MSRB3: variants seen among roughly 807,000 people sequenced by gnomAD.
The protein encoded by MSRB3 is methionine sulfoxide reductase B3.
In MSRB3, 13 loss-of-function variants were observed where a neutral mutation model predicts 21.0. That is an observed-to-expected ratio of 0.62 (90% confidence interval 0.40 to 0.98). MSRB3 has a LOEUF of 0.98. Ranked by LOEUF, MSRB3 falls within the 50% of genes least tolerant of loss-of-function variation. MSRB3 has a pLI of 0.00. For synonymous variants in MSRB3, 87 were observed against 88.6 expected, an observed-to-expected ratio of 0.98 and a Z score of 0.10; for missense variants, 199 against 230.3, an observed-to-expected ratio of 0.86 and a Z score of 0.88.
chr12:65,345,712 C>T (rs1876448919), intron 4 of MSRB3, among the ~76,000 whole-genome samples: 1 of 152,116 alleles, frequency 6.6e-6, no homozygotes, highest in Admixed American at 6.6e-5. Context: ...GGTATATCTC[C>T]TAATGCTATC....
At chr12:65,344,183 T>G (rs1876332470) in intron 4 of MSRB3, 1 of 152,092 alleles carries the variant, frequency 6.6e-6, no homozygotes, top group Non-Finnish European at 1.5e-5. Context: ...CAAAGGTTCA[T>G]CAGTGAAAGG....
At chr12:65,350,713 G>A (rs995470987) in intron 4 of MSRB3, among the ~76,000 whole-genome samples, 1 of 136,424 alleles carries the variant, frequency 7.3e-6, no homozygotes, top group African/African-American at 2.9e-5. Flanking sequence ...AAGAGACAAA[G>A]AAGGCCATTA....
chr12:65,337,213 C>A (rs1052153462), intron 4 of MSRB3, among the ~76,000 whole-genome samples: 23 of 151,272 alleles, frequency 1.5e-4, no homozygotes, highest in Admixed American at 1.3e-3. Flanking sequence ...ACAGCACTCC[C>A]GCCTGGGCGA....
chr12:65,368,796 G>C (rs1247571803), intron 4 of MSRB3, among the ~76,000 whole-genome samples: 5 of 151,764 alleles, frequency 3.3e-5, no homozygotes, highest in Non-Finnish European at 7.4e-5. Flanking sequence ...TGTGCTATCT[G>C]TATTGATATT....
At chr12:65,309,602 A>G (rs1873863750) in intron 2 of MSRB3, among the ~76,000 whole-genome samples, 1 of 152,198 alleles carries the variant, frequency 6.6e-6, no homozygotes, top group African/African-American at 2.4e-5. Flanking sequence ...GTGTTATGGT[A>G]ATTCAGAGGA....
chr12:65,332,076 C>T (rs1250198661), intron 4 of MSRB3, among the ~76,000 whole-genome samples: 1 of 152,124 alleles, frequency 6.6e-6, no homozygotes, highest in East Asian at 1.9e-4. Context: ...AGGGCCCAGC[C>T]CCATTTTAGC....
At chr12:65,414,483 T>C (rs1379360006) in intron 5 of MSRB3, among the ~76,000 whole-genome samples, 4 of 152,224 alleles carry the variant, frequency 2.6e-5, no homozygotes, top group Non-Finnish European at 5.9e-5. Flanking sequence ...CAAATACTTA[T>C]GATTGTGCTA....
At chr12:65,427,546 C>T (rs145920931) in intron 5 of MSRB3, among the ~76,000 whole-genome samples, 107 of 152,240 alleles carry the variant, frequency 7.0e-4, no homozygotes, top group Middle Eastern at 3.4e-3. Context: ...CAGGCCCACT[C>T]GCAGTTTGGT....
intron 5 of MSRB3, among the ~76,000 whole-genome samples, chr12:65,410,970 C>T (rs968487145): frequency 6.6e-6 from 1 of 152,080 alleles, no homozygotes; most frequent in Admixed American, 6.5e-5. Context: ...ACTACCCCAC[C>T]CCCACCCTTT....
chr12:65,327,396 T>C lies in MSRB3; in HGVS notation c.185+462T>C, dbSNP rs557847908. Reference sequence around the variant, plus strand: ...AACTCCAATTTCTTTTTGAAGCACATGTGGAGAAAGTATTTATTGGCTCAT... The same window carrying C: ...AACTCCAATTTCTTTTTGAAGCACACGTGGAGAAAGTATTTATTGGCTCAT... On this transcript the variant is annotated intron_variant, in intron 3 of 6. Transcript: ENST00000308259. 3.3e-5 allele frequency among the ~76,000 whole-genome samples: 5 copies of C among 152,374 alleles called. No individual in the cohort carries two copies. In the South Asian group the frequency reaches 8.3e-4, roughly 25 times the overall value.
intron 1 of MSRB3, among the ~76,000 whole-genome samples, chr12:65,307,551 T>A (rs1467225045): frequency 1.3e-5 from 2 of 152,172 alleles, no homozygotes; most frequent in Non-Finnish European, 2.9e-5. Flanking sequence ...TCACTTAAAA[T>A]GCTAATTTGA....
intron 5 of MSRB3, among the ~76,000 whole-genome samples, chr12:65,401,548 CT>C (rs1291077058): frequency 2.0e-5 from 3 of 152,096 alleles, no homozygotes; most frequent in South Asian, 2.1e-4. Flanking sequence ...ACTGATGGGT[CT>C]TAACTCTTTA....
At chr12:65,409,488 T>C (rs1379118362) in intron 5 of MSRB3, among the ~76,000 whole-genome samples, 1 of 152,158 alleles carries the variant, frequency 6.6e-6, no homozygotes, top group Non-Finnish European at 1.5e-5. Flanking sequence ...AGATAAAGTA[T>C]AGTCAAAATA....
intron 5 of MSRB3, among the ~76,000 whole-genome samples, chr12:65,383,974 T>TAG (rs1879082644): frequency 6.6e-6 from 1 of 152,188 alleles, no homozygotes; most frequent in South Asian, 2.1e-4. Flanking sequence ...ATTTTAAATG[T>TAG]AGAGATATGC....
chr12:65,326,792 A>G (rs1177622502), intron 2 of MSRB3, 34 bp from the exon 3 acceptor site: 1 of 1,552,926 alleles, frequency 6.4e-7, no homozygotes, highest in East Asian at 2.2e-5. Context: ...TCAAGCTAAA[A>G]AGGCTTCTTC....
intron 1 of MSRB3, among the ~76,000 whole-genome samples, chr12:65,304,114 T>C (rs1000082169): frequency 1.3e-5 from 2 of 152,164 alleles, no homozygotes; most frequent in African/African-American, 4.8e-5. Flanking sequence ...AAAGGGGTTT[T>C]GTATGATGAG....
intron 5 of MSRB3, among the ~76,000 whole-genome samples, chr12:65,446,669 T>C (rs1882632226): frequency 2.0e-5 from 3 of 152,000 alleles, no homozygotes; most frequent in Non-Finnish European, 4.4e-5. Flanking sequence ...AAGAAATCCA[T>C]TGCAAAGAGA....
At chr12:65,364,989 C>G (rs1877926213) in intron 4 of MSRB3, among the ~76,000 whole-genome samples, 1 of 151,942 alleles carries the variant, frequency 6.6e-6, no homozygotes, top group Non-Finnish European at 1.5e-5. Context: ...GATGTTTTCT[C>G]TGCACCTTAC....
chr12:65,314,727 T>A (rs1874185987), intron 2 of MSRB3, among the ~76,000 whole-genome samples: 1 of 152,184 alleles, frequency 6.6e-6, no homozygotes, highest in Non-Finnish European at 1.5e-5. Context: ...TAACACCTAG[T>A]AACAAGAGAG....
Sources: allele counts gnomAD v4.1 joint callset (sites outside exome capture counted in the v4.1 genomes callset), GRCh38; gene constraint gnomAD v4.1.1; transcripts MANE v1.5; gene names NCBI Gene and HGNC (gene_info 2026-07-23, HGNC 2026-07-21).